MEI4: variants seen among roughly 807,000 people sequenced by gnomAD.
The protein encoded by MEI4 is meiosis-specific protein MEI4.
A neutral mutation model predicts 31.4 loss-of-function variants in MEI4; 27 were observed. The observed-to-expected ratio is 0.86, with a 90% CI of 0.63 to 1.19. The LOEUF (loss-of-function observed/expected upper bound fraction) is 1.19, where lower values mean the gene tolerates loss of function less well. Among genes scored for constraint, MEI4 ranks in the 50% most tolerant of loss-of-function variants. The probability of loss-of-function intolerance (pLI) is 0.00; values close to 1 mark genes in which losing one functional copy is unlikely to be tolerated. For synonymous variants in MEI4, 122 were observed against 145.4 expected, an observed-to-expected ratio of 0.84 and a Z score of 1.16; for missense variants, 329 against 398.9, an observed-to-expected ratio of 0.82 and a Z score of 1.49.
At chr6:77,897,654 A>G (rs1766112307) in intron 4 of MEI4, among the ~76,000 whole-genome samples, 1 of 152,040 alleles carries the variant, frequency 6.6e-6, no homozygotes, top group African/African-American at 2.4e-5. Flanking sequence ...GTTATCACAC[A>G]TATTAGACAT....
intron 2 of MEI4, among the ~76,000 whole-genome samples, chr6:77,696,386 A>G (rs1355119524): frequency 6.6e-6 from 1 of 152,140 alleles, no homozygotes; most frequent in African/African-American, 2.4e-5. Flanking sequence ...ATTCAATATG[A>G]TATTGGCTGT....
At chr6:77,715,185 G>A (rs954920261) in intron 2 of MEI4, among the ~76,000 whole-genome samples, 17 of 152,252 alleles carry the variant, frequency 1.1e-4, no homozygotes, top group African/African-American at 3.9e-4. Flanking sequence ...TTAATTTTAT[G>A]TTTTAATGGT....
intron 2 of MEI4, among the ~76,000 whole-genome samples, chr6:77,760,650 G>A (rs1454721501): frequency 6.6e-6 from 1 of 152,038 alleles, no homozygotes; most frequent in African/African-American, 2.4e-5. Flanking sequence ...TTAACTTTGA[G>A]CTCCTACTTT....
At chr6:77,677,907 G>C (rs1041830783) in intron 1 of MEI4, among the ~76,000 whole-genome samples, 2 of 152,020 alleles carry the variant, frequency 1.3e-5, no homozygotes, top group Admixed American at 1.3e-4. Flanking sequence ...ATATTTGTAA[G>C]GAGGTGATAC....
chr6:77,730,408 CTGTT>C (rs1766947317), intron 2 of MEI4, among the ~76,000 whole-genome samples: 1 of 151,988 alleles, frequency 6.6e-6, no homozygotes, highest in Non-Finnish European at 1.5e-5. Context: ...CTGACACTTC[CTGTT>C]TGTTAGGAAA....
At chr6:77,852,587 T>TTC (rs895178071) in intron 4 of MEI4, among the ~76,000 whole-genome samples, 1 of 76,466 alleles carries the variant, frequency 1.3e-5, no homozygotes, top group African/African-American at 3.7e-5. Context: ...TGTTGTTTGT[T>TTC]TTTTTTTTTT....
At chr6:77,889,832 C>G (rs1383344305) in intron 4 of MEI4, among the ~76,000 whole-genome samples, 1 of 152,330 alleles carries the variant, frequency 6.6e-6, no homozygotes, top group East Asian at 1.9e-4. Flanking sequence ...TTAGCTCTAG[C>G]TGCGGCTAAA....
chr6:77,896,580 T>C (rs1468467493), intron 4 of MEI4, among the ~76,000 whole-genome samples: 1 of 152,076 alleles, frequency 6.6e-6, no homozygotes, highest in Admixed American at 6.6e-5. Context: ...ATTGGTTGAT[T>C]GGACCTTTTT....
intron 4 of MEI4, among the ~76,000 whole-genome samples, chr6:77,869,356 T>C (rs1245027944): frequency 6.6e-6 from 1 of 152,160 alleles, no homozygotes; most frequent in Non-Finnish European, 1.5e-5. Flanking sequence ...TAGAATGTGA[T>C]CATATTTAGA....
At chr6:77,761,787 T>C in intron 3 of MEI4, 122 bp downstream of exon 3, 1 of 498,276 alleles carries the variant, frequency 2.0e-6, no homozygotes, top group Non-Finnish European at 3.1e-6. Context: ...TGGGTCTTTT[T>C]CTGCAGCTGT....
intron 4 of MEI4, among the ~76,000 whole-genome samples, chr6:77,860,565 C>A: frequency 6.6e-6 from 1 of 152,026 alleles, no homozygotes; most frequent in East Asian, 1.9e-4. Context: ...TCTGATAGTG[C>A]CTTTATGACA....
At chr6:77,674,289 G>A (rs543230392) in intron 1 of MEI4, among the ~76,000 whole-genome samples, 4 of 152,172 alleles carry the variant, frequency 2.6e-5, no homozygotes, top group Non-Finnish European at 4.4e-5. Context: ...TTAAATATGT[G>A]TATTATAAAA....
At chr6:77,845,875 A>T (rs1393836272) in intron 4 of MEI4, among the ~76,000 whole-genome samples, 2 of 105,356 alleles carry the variant, frequency 1.9e-5, no homozygotes, top group Admixed American at 2.2e-4. Flanking sequence ...TCCTTAAAAC[A>T]GAAGTCTTGT....
chr6:77,659,284 G>T (rs1344562463), intron 1 of MEI4, among the ~76,000 whole-genome samples: 1 of 152,136 alleles, frequency 6.6e-6, no homozygotes, highest in Non-Finnish European at 1.5e-5. Context: ...TTGAATTTTG[G>T]GGGTAAGGAA....
intron 2 of MEI4, among the ~76,000 whole-genome samples, chr6:77,699,903 G>A (rs954338896): frequency 1.3e-5 from 2 of 152,148 alleles, no homozygotes; most frequent in Non-Finnish European, 2.9e-5. Context: ...GGTGGCTGTA[G>A]AACAGCGGAT....
intron 3 of MEI4, among the ~76,000 whole-genome samples, chr6:77,815,029 C>T (rs1022520122): frequency 6.6e-6 from 1 of 152,072 alleles, no homozygotes; most frequent in Admixed American, 6.6e-5. Flanking sequence ...TTTAAGCCTC[C>T]TTAAGAGGAT....
At chr6:77,801,100 C>T (rs991667933) in intron 3 of MEI4, among the ~76,000 whole-genome samples, 2 of 152,084 alleles carry the variant, frequency 1.3e-5, no homozygotes, top group Non-Finnish European at 2.9e-5. Context: ...TGGTAGAATT[C>T]GGCTGTGAAT....
intron 4 of MEI4, among the ~76,000 whole-genome samples, chr6:77,896,496 G>A (rs940812260): frequency 6.6e-6 from 1 of 152,066 alleles, no homozygotes; most frequent in African/African-American, 2.4e-5. Context: ...CAGATAACCA[G>A]AGAATATGTT....
chr6:77,763,242 G>A (rs1768084116), intron 3 of MEI4, among the ~76,000 whole-genome samples: 1 of 151,974 alleles, frequency 6.6e-6, no homozygotes, highest in Admixed American at 6.6e-5. Flanking sequence ...ACCAAGTCTT[G>A]GAGGTGCAAG....
Sources: allele counts gnomAD v4.1 joint callset (sites outside exome capture counted in the v4.1 genomes callset), GRCh38; gene constraint gnomAD v4.1.1; transcripts MANE v1.5; gene names NCBI Gene and HGNC (gene_info 2026-07-23, HGNC 2026-07-21).